The following JAKMIP1 variants were observed in gnomAD, a reference collection of about 807,000 sequenced individuals.
The protein encoded by JAKMIP1 is janus kinase and microtubule interacting protein 1.
A neutral mutation model predicts 113.0 loss-of-function variants in JAKMIP1; 33 were observed. The ratio of observed to expected loss-of-function variants is 0.29; its 90% CI spans 0.22 to 0.39. The LOEUF (loss-of-function observed/expected upper bound fraction) is 0.39. JAKMIP1 is among the 10% of genes least tolerant of loss of function. The pLI is 1.00. For missense variants in JAKMIP1, 813 were observed against 1,080.5 expected (o/e 0.75, Z 3.47); for synonymous variants, 480 against 459.9 (o/e 1.04, Z -0.56).
In JAKMIP1 at chr4:6,042,620, G is replaced by T. The variant is rs73073411; in HGVS notation, c.2029-393C>A. On this transcript the variant is annotated intron_variant, in intron 16 of 20. Coordinates refer to ENST00000409021, the MANE Select transcript of JAKMIP1 (RefSeq NM_001099433.2). The surrounding 1 kb of genome is among the most constrained non-coding windows in gnomAD (Gnocchi z 5.2). The stretch of plus-strand genomic sequence containing the variant: ...GACTCTCTTACGACCACCCCAAGCA[G>T]TAGGCAGCGTCACCCCTATTTTGCA... Among the ~76,000 whole-genome samples, 16 of 152,142 alleles carry T rather than the reference G, an allele frequency of 1.1e-4. No homozygotes were observed. Among genetic ancestry groups the T allele is most frequent in the African/African-American group, 3.9e-4 (16 of 41,522 alleles).
intron 1 of JAKMIP1, among the ~76,000 whole-genome samples, chr4:6,123,868 A>G (rs1717047545): frequency 6.6e-6 from 1 of 152,220 alleles, no homozygotes; most frequent in Non-Finnish European, 1.5e-5. Context: ...TAGGAAATTA[A>G]CTTTCTTAGG....
Position 6,181,327 on chromosome 4 carries a change from C to T in JAKMIP1, c.-148+18926G>A, listed in dbSNP as rs1238257537. 1.3e-5 allele frequency among the ~76,000 whole-genome samples: 2 copies of T among 152,044 alleles called. No individual in the cohort carries two copies. Among genetic ancestry groups the T allele is most frequent in the East Asian group, 1.9e-4 (1 of 5,168 alleles). ...CTGAGAGAGGAAGAGACCAGGGGCT[C>T]GAAGAGTAACACTAATTACAGGCCT... On this transcript the variant is annotated intron_variant, in intron 1 of 20. Coordinates refer to ENST00000409021, the MANE Select transcript of JAKMIP1 (RefSeq NM_001099433.2). The surrounding 1 kb of genome is among the most constrained non-coding windows in gnomAD (Gnocchi z 5.4).
Position 6,136,512 on chromosome 4 carries a change from C to T in JAKMIP1, c.-147-23515G>A, listed in dbSNP as rs908669276. ...TCTCAAGGTCCCAAGAGGGAGGCCT[C>T]GCTTCCCATATTTTGTATCTGAGAC... On this transcript the variant is annotated intron_variant, in intron 1 of 20. Coordinates refer to ENST00000409021, the MANE Select transcript of JAKMIP1 (RefSeq NM_001099433.2). The surrounding 1 kb of genome is among the most constrained non-coding windows in gnomAD (Gnocchi z 5.9). 6.6e-6 allele frequency among the ~76,000 whole-genome samples: 1 copy of T among 152,142 alleles called. No homozygotes were observed. The highest frequency in any genetic ancestry group is 1.5e-5 in the Non-Finnish European group (1 of 68,040).
chr4:6,168,656 C>T lies in JAKMIP1; in HGVS notation c.-148+31597G>A, dbSNP rs1267871358. 3.3e-5 allele frequency among the ~76,000 whole-genome samples: 5 copies of T among 151,906 alleles called. No homozygotes were observed. Among genetic ancestry groups the T allele is most frequent in the South Asian group, 2.1e-4 (1 of 4,818 alleles). On this transcript the variant is annotated intron_variant, in intron 1 of 20. Coordinates refer to ENST00000409021, the MANE Select transcript of JAKMIP1 (RefSeq NM_001099433.2). This position sits in a 1 kb window ranked among gnomAD's most constrained non-coding sequence, Gnocchi z 4.6. ...CTGTAATCCCAGCACTTTGGGAGGG[C>T]GAGGCGGGCAGATTTTTTGAGTCCA...
rs1193537148 is a variant in JAKMIP1, at chr4:6,143,372, G to T, written c.-147-30375C>A. ...GGAAGCCTCCTTTGCCATCAGCAAG[G>T]CCTCGAAACTCAGCTGCCACCAACT... is the stretch of plus-strand genomic sequence containing the variant. On this transcript the variant is annotated intron_variant, in intron 1 of 20. Transcript: ENST00000409021. This position sits in a 1 kb window ranked among gnomAD's most constrained non-coding sequence, Gnocchi z 4.9. Among the ~76,000 whole-genome samples, 1 of 152,160 alleles carries T rather than the reference G, an allele frequency of 6.6e-6. No individual in the cohort carries two copies. The highest frequency in any genetic ancestry group is 1.5e-5 in the Non-Finnish European group (1 of 68,028).
chr4:6,112,985 A>C lies in JAKMIP1; in HGVS notation c.-135T>G. 2.4e-6 allele frequency: 3 copies of C among 1,248,966 alleles called. No individual in the cohort carries two copies. Among genetic ancestry groups the C allele is most frequent in the South Asian group, 1.6e-5 (1 of 62,910 alleles). The allele number at this position is 1,248,966 out of a possible 1,614,324, so 77.4% of individuals were successfully genotyped here. A position where few individuals can be genotyped will look rare whatever the true frequency, so the allele number is the denominator to read the frequency against. ...CAGCTCGCCCTCCGAGGAAACCACC[A>C]TCACTTGGGATCCTGAAGGAAGGAG... On this transcript the variant is annotated 5_prime_UTR_variant, in exon 2 of 21. An upstream start codon of the reference 5' UTR is lost. Coordinates refer to ENST00000409021, the MANE Select transcript of JAKMIP1 (RefSeq NM_001099433.2).
chr4:6,057,954 T>A (rs1254622046), intron 11 of JAKMIP1, among the ~76,000 whole-genome samples: 1 of 152,262 alleles, frequency 6.6e-6, no homozygotes, highest in Non-Finnish European at 1.5e-5. Flanking sequence ...CCCAAACTGC[T>A]GATCCACAGA....
rs966384717 is a variant in JAKMIP1 at position 6,154,282 on chromosome 4, G to A, written c.-147-41285C>T. On this transcript the variant is annotated intron_variant, in intron 1 of 20. Transcript: ENST00000409021. This position sits in a 1 kb window ranked among gnomAD's most constrained non-coding sequence, Gnocchi z 4.2. ...AGAGTTGCTCCTATTTTAGGCCATTGAACTACTTTAATAATTCGGTCATTT... is the reference window on the plus strand; with the variant it reads ...AGAGTTGCTCCTATTTTAGGCCATTAAACTACTTTAATAATTCGGTCATTT... Among the ~76,000 whole-genome samples, 3 of 152,168 alleles carry A rather than the reference G, an allele frequency of 2.0e-5. No individual in the cohort carries two copies. The highest frequency in any genetic ancestry group is 4.4e-5 in the Non-Finnish European group (3 of 68,018).
rs1033578616 is a variant in JAKMIP1 at position 6,089,410 on chromosome 4, C to T, written c.625-3781G>A. Among the ~76,000 whole-genome samples the T allele has an allele frequency of 3.3e-5, 5 of 152,236 alleles. No homozygotes were observed. The highest frequency in any genetic ancestry group is 1.2e-4 in the African/African-American group (5 of 41,466). On this transcript the variant is annotated intron_variant, in intron 3 of 20. Transcript: ENST00000409021. This position sits in a 1 kb window ranked among gnomAD's most constrained non-coding sequence, Gnocchi z 5.3. ...GCTATCACTCCTCTCTTAATGCTAG[C>T]GTGAGCTAGGTACTCATTTGTACTT...
rs1727941935 is a variant in JAKMIP1 at position 6,197,120 on chromosome 4, G to A, written c.-148+3133C>T. 6.6e-6 allele frequency among the ~76,000 whole-genome samples: 1 copy of A among 152,190 alleles called. No individual in the cohort carries two copies. The highest frequency in any genetic ancestry group is 1.5e-5 in the Non-Finnish European group (1 of 68,048). On this transcript the variant is annotated intron_variant, in intron 1 of 20. Transcript: ENST00000409021. The surrounding 1 kb of genome is among the most constrained non-coding windows in gnomAD (Gnocchi z 6.5). ...CCGAGGCAGAAGCGGGAGGTTAAGTGCTGATATTTCCTTACGTGGCCCTCA... is the reference window on the plus strand; with the variant it reads ...CCGAGGCAGAAGCGGGAGGTTAAGTACTGATATTTCCTTACGTGGCCCTCA...
chr4:6,114,095 GA>G (rs1715372764), intron 1 of JAKMIP1, among the ~76,000 whole-genome samples: 1 of 152,220 alleles, frequency 6.6e-6, no homozygotes, highest in African/African-American at 2.4e-5. Flanking sequence ...ACAGAGAGGT[GA>G]AGTCAGCTAC....
rs998420115 is a variant in JAKMIP1, at chr4:6,061,538, C to T, written c.1560+774G>A. Among the ~76,000 whole-genome samples the T allele has an allele frequency of 1.4e-4, 21 of 152,228 alleles. No homozygotes were observed. The highest frequency in any genetic ancestry group is 5.2e-4 in the Admixed American group (8 of 15,288). ...CCAAACAGGGCTCTGAGAAAGAGCA[C>T]AGGCCCTGAGTCCGAGAAACCTGGC... On this transcript the variant is annotated intron_variant, in intron 10 of 20. Transcript: ENST00000409021. This position sits in a 1 kb window ranked among gnomAD's most constrained non-coding sequence, Gnocchi z 5.3.
intron 18 of JAKMIP1, among the ~76,000 whole-genome samples, chr4:6,037,481 C>T (rs1182318760): frequency 7.3e-6 from 1 of 137,868 alleles, no homozygotes. Context: ...CAGAGGCTAA[C>T]CGGTATCCCT....
intron 3 of JAKMIP1, among the ~76,000 whole-genome samples, chr4:6,095,401 A>G (rs1396681422): frequency 6.6e-6 from 1 of 152,184 alleles, no homozygotes; most frequent in African/African-American, 2.4e-5. Context: ...TAAAAATACA[A>G]CAAAGAACAG....
chr4:6,161,039 T>A (rs12505938), intron 1 of JAKMIP1, among the ~76,000 whole-genome samples: 1 of 131,776 alleles, frequency 7.6e-6, no homozygotes, highest in African/African-American at 3.0e-5. Flanking sequence ...TGACCTCCAC[T>A]CACCTCCCCA....
intron 9 of JAKMIP1, 97 bp from the exon 10 acceptor site, chr4:6,062,537 G>T: frequency 7.5e-7 from 1 of 1,335,866 alleles, no homozygotes; most frequent in Non-Finnish European, 1.0e-6. Flanking sequence ...ATAAACACTT[G>T]CTATGGCTTT....
At position 6,044,760 on chromosome 4, in the gene JAKMIP1, C is replaced by A. The variant is rs1411705007; in HGVS notation, c.2029-2533G>T. Among the ~76,000 whole-genome samples, 1 of 148,990 alleles carries A rather than the reference C, an allele frequency of 6.7e-6. No homozygotes were observed. Among genetic ancestry groups the A allele is most frequent in the Middle Eastern group, 3.2e-3 (1 of 314 alleles). On this transcript the variant is annotated intron_variant, in intron 16 of 20. Coordinates refer to ENST00000409021, the MANE Select transcript of JAKMIP1 (RefSeq NM_001099433.2). The surrounding 1 kb of genome is among the most constrained non-coding windows in gnomAD (Gnocchi z 4.4). ...CATATAAAAAATAAATTCAACAAGACCTTTTAGCAACGGGGAGAGAACATG... is the reference window on the plus strand; with the variant it reads ...CATATAAAAAATAAATTCAACAAGAACTTTTAGCAACGGGGAGAGAACATG...
intron 1 of JAKMIP1, among the ~76,000 whole-genome samples, chr4:6,124,694 T>G (rs990487455): frequency 6.6e-6 from 1 of 152,186 alleles, no homozygotes; most frequent in Non-Finnish European, 1.5e-5. Context: ...TGCACCCTGC[T>G]CCTTGCTCCA....
chr4:6,066,443 T>G (rs559301425), intron 8 of JAKMIP1, among the ~76,000 whole-genome samples: 1 of 152,098 alleles, frequency 6.6e-6, no homozygotes, highest in African/African-American at 2.4e-5. Context: ...CCTCCCACAT[T>G]CCTCCTTGCT....
Sources: gnomAD v4.1 joint callset for allele counts (sites outside exome capture counted in the v4.1 genomes callset) on GRCh38, gnomAD v4.1.1 for gene constraint, Gnocchi (gnomAD v3.1) non-coding constraint, MANE v1.5 for transcripts, NCBI Gene and HGNC (gene_info 2026-07-23, HGNC 2026-07-21) for gene names.